Variants in FANCD2OS observed in about 807,000 individuals in gnomAD.
FANCD2OS encodes the protein FANCD2 opposite strand.
In FANCD2OS, 11 loss-of-function variants were observed where a neutral mutation model predicts 13.2. That is an observed-to-expected ratio of 0.83 (90% CI 0.52 to 1.38). The LOEUF (loss-of-function observed/expected upper bound fraction) is 1.38. Ranked by LOEUF, FANCD2OS falls within the 40% of genes most tolerant of loss-of-function variation. FANCD2OS has a pLI of 0.00. For synonymous variants in FANCD2OS, 69 were observed against 84.5 expected (o/e 0.82, Z 1.01); for missense variants, 217 against 213.9 (o/e 1.01, Z -0.09).
intron 2 of FANCD2OS, among the ~76,000 whole-genome samples, chr3:10,091,821 G>T (rs1255213040): frequency 6.6e-6 from 1 of 152,246 alleles, no homozygotes; most frequent in Non-Finnish European, 1.5e-5. Context: ...ACCACCGGGT[G>T]CAGTGGCGCA....
downstream of FANCD2OS, among the ~76,000 whole-genome samples, chr3:10,103,680 C>CTACCAAGT (rs1695388257): frequency 6.6e-6 from 1 of 152,210 alleles, no homozygotes; most frequent in Admixed American, 6.5e-5. Flanking sequence ...TTCAGTGCTG[C>CTACCAAGT]TACCAAGTTC....
At chr3:10,107,412 C>T (rs1275873570) in intron 1 of FANCD2OS, among the ~76,000 whole-genome samples, 7 of 151,826 alleles carry the variant, frequency 4.6e-5, no homozygotes, top group Non-Finnish European at 8.8e-5. Flanking sequence ...CTCAGCCTCC[C>T]GTAGCTGGGA....
chr3:10,104,750 G>T lies in FANCD2OS; in HGVS notation c.25C>A (p.Pro9Thr), dbSNP rs753651775. 5 of 1,597,434 alleles carry T rather than the reference G, an allele frequency of 3.1e-6. No homozygotes were observed. Among genetic ancestry groups the T allele is most frequent in the Middle Eastern group, 1.7e-4 (1 of 5,802 alleles). Residue 9 changes from proline to threonine, a missense_variant, in exon 2 of 2, where the codon CCA becomes ACA. Coordinates refer to ENST00000450660, the MANE Select transcript of FANCD2OS (RefSeq NM_001164839.2). MAGYQLWS[P>T]WTPLDESFQW... The stretch of plus-strand genomic sequence containing the variant: ...AAACTCTCATCCAGTGGGGTCCATG[G>T]TGACCAGAGCTGGTATCCTGCCATT...
chr3:10,092,170 G>A, intron 2 of FANCD2OS: 1 of 1,608,502 alleles, frequency 6.2e-7, no homozygotes, highest in Non-Finnish European at 8.5e-7. Context: ...CCATATATTT[G>A]GCTGCCCCAG....
In FANCD2OS at chr3:10,104,403, T is replaced by G. The variant is rs10510416; in HGVS notation, c.372A>C (p.Ser124=). 136 of 1,614,232 alleles carry G rather than the reference T, an allele frequency of 8.4e-5. No homozygotes were observed. In the African/African-American group the frequency reaches 1.5e-3, roughly 18 times the overall value. Residue 124 remains serine (S), a synonymous_variant, in exon 2 of 2, where the codon TCA becomes TCC. Coordinates refer to ENST00000450660, the MANE Select transcript of FANCD2OS (RefSeq NM_001164839.2). ...WTGTFRVSDK[S]AFCKIISREH... ...CCCTGCTAATGATTTTGCAAAAGGC[T>G]GACTTGTCTGAAACTCTGAAAGTCC...
In FANCD2OS at chr3:10,104,702, G is replaced by A. The variant is rs747047276; in HGVS notation, c.73C>T (p.Pro25Ser). The A allele has an allele frequency of 3.8e-5, 62 of 1,611,782 alleles. No homozygotes were observed. Among genetic ancestry groups the A allele is most frequent in the Non-Finnish European group, 5.3e-5 (62 of 1,179,220 alleles). The change falls in exon 2 of 2, where the codon CCT becomes TCT. Residue 25 changes from proline (P) to serine (S), a missense_variant. Physicochemically the swap from Pro to Ser is moderately conservative, Grantham distance 74. Coordinates refer to ENST00000450660, the MANE Select transcript of FANCD2OS (RefSeq NM_001164839.2). ...AATGGGTGCTTGGAGGAAGGTGTAG[G>A]TGTCGTGTGCCGCAGCCATTGGAAA... Reference protein sequence around the residue: ...ESFQWLRHTTPTPSSKHPFKA... With the variant: ...ESFQWLRHTTSTPSSKHPFKA...
At chr3:10,088,726 C>A in intron 2 of FANCD2OS, 1 of 1,310,556 alleles carries the variant, frequency 7.6e-7, no homozygotes, top group Non-Finnish European at 1.1e-6. Context: ...ATACTGTTAG[C>A]TAACTGCTTA....
chr3:10,101,376 T>TA, downstream of FANCD2OS: 4 of 514,654 alleles, frequency 7.8e-6, no homozygotes, highest in Non-Finnish European at 1.4e-5. Context: ...TTTTTGTTCC[T>TA]CTTTTTTTTT....
At chr3:10,085,737 A>C in intron 2 of FANCD2OS, 3 of 938,522 alleles carry the variant, frequency 3.2e-6, no homozygotes, top group Non-Finnish European at 5.3e-6. Context: ...TACAGACTGG[A>C]GGCCAGGATC....
chr3:10,101,375 C>CTAT, downstream of FANCD2OS: 2 of 581,586 alleles, frequency 3.4e-6, no homozygotes, highest in Non-Finnish European at 5.9e-6. Flanking sequence ...TTTTTTGTTC[C>CTAT]TCTTTTTTTT....
intron 2 of FANCD2OS, chr3:10,093,401 T>C: frequency 8.0e-7 from 1 of 1,250,688 alleles, no homozygotes; most frequent in Non-Finnish European, 1.2e-6. Context: ...CTGAGATAAA[T>C]TGCTCAATTT....
intron 2 of FANCD2OS, chr3:10,095,074 TG>T (rs1302186784): frequency 2.6e-6 from 2 of 774,030 alleles, no homozygotes; most frequent in African/African-American, 3.4e-5. Flanking sequence ...CAAATTAAGA[TG>T]ATTATCAGCA....
intron 2 of FANCD2OS, chr3:10,093,238 CA>C: frequency 6.5e-7 from 1 of 1,540,902 alleles, no homozygotes; most frequent in Non-Finnish European, 9.0e-7. Flanking sequence ...CTGGAGTGCT[CA>C]AAGGAGCAGA....
rs554861008 is a variant in FANCD2OS, at chr3:10,105,010, G to A, written c.-8-228C>T. Among the ~76,000 whole-genome samples the A allele has an allele frequency of 2.6e-5, 4 of 152,196 alleles. No individual in the cohort carries two copies. The East Asian group carries it at 5.8e-4, about 22-fold the overall frequency. ...CACTCAGGCTGGAGTGCAGTGGAGC[G>A]ATCTTGGCTCACTGTATTTTTTTGT... On this transcript the variant is annotated intron_variant, in intron 1 of 1. Coordinates refer to ENST00000450660, the MANE Select transcript of FANCD2OS (RefSeq NM_001164839.2).
At chr3:10,092,503 T>C (rs984816850) in intron 2 of FANCD2OS, among the ~76,000 whole-genome samples, 1 of 151,398 alleles carries the variant, frequency 6.6e-6, no homozygotes, top group African/African-American at 2.4e-5. Flanking sequence ...CTTCCATCTG[T>C]AATTCCCTCA....
intron 1 of FANCD2OS, 112 bp from the exon 2 acceptor site, chr3:10,104,894 C>G: frequency 1.2e-6 from 1 of 800,354 alleles, no homozygotes; most frequent in Non-Finnish European, 1.9e-6. Context: ...TTCTATAGTT[C>G]CCATGAATAG....
chr3:10,095,103 AG>A lies in FANCD2OS; in HGVS notation c.*43+9094del, dbSNP rs1379885377. 4 of 1,021,294 alleles carry A rather than the reference AG, an allele frequency of 3.9e-6. No homozygotes were observed. The African/African-American group carries it at 6.3e-5, about 16-fold the overall frequency. 63.3% of individuals were successfully genotyped at this position (1,021,294 alleles called of 1,614,324 possible). ...TATCAGCATAGGCTGGAAACTGCAGAGTTTATCCTCTTTGGAGCTTTTGATT... is the reference window on the plus strand; with the variant it reads ...TATCAGCATAGGCTGGAAACTGCAGATTTATCCTCTTTGGAGCTTTTGATT... On this transcript the variant is annotated intron_variant, in intron 2 of 2. Coordinates refer to the FANCD2OS transcript ENST00000524279.
At chr3:10,096,287 TAAACTCAC>T in intron 2 of FANCD2OS, 1 of 1,610,452 alleles carries the variant, frequency 6.2e-7, no homozygotes, top group Non-Finnish European at 8.5e-7. Context: ...GGCATGATGA[TAAACTCAC>T]AAAAGATGGA....
chr3:10,101,065 TAA>T (rs78434344), downstream of FANCD2OS: 7,425 of 606,616 alleles, frequency 0.012, no homozygotes, highest in South Asian at 0.017. Flanking sequence ...AAGACTCCTT[TAA>T]AAAAAAAAAA....
Sources: gnomAD v4.1 joint callset for allele counts (sites outside exome capture counted in the v4.1 genomes callset) on GRCh38, gnomAD v4.1.1 for gene constraint, MANE v1.5 for transcripts, NCBI Gene and HGNC (gene_info 2026-07-23, HGNC 2026-07-21) for gene names.